The following PITPNM2 variants were observed in gnomAD, a reference collection of about 807,000 sequenced individuals.
PITPNM2 encodes the protein phosphatidylinositol transfer protein membrane associated 2, also known as membrane-associated phosphatidylinositol transfer protein 2.
In PITPNM2, 35 loss-of-function variants were observed where a neutral mutation model predicts 132.2. That is an observed-to-expected ratio of 0.26 (90% CI 0.20 to 0.35). The LOEUF is 0.35. Ranked by LOEUF, PITPNM2 falls within the 10% of genes least tolerant of loss-of-function variation. PITPNM2 has a pLI of 1.00. For synonymous variants in PITPNM2, 738 were observed against 799.2 expected (o/e 0.92, Z 1.29); for missense variants, 1,332 against 1,912.0 (o/e 0.70, Z 5.66).
intron 2 of PITPNM2, among the ~76,000 whole-genome samples, chr12:123,103,731 G>A (rs1360570418): frequency 6.6e-6 from 1 of 152,112 alleles, no homozygotes. Context: ...TGGGACTTTG[G>A]ACAAGTCACT....
intron 2 of PITPNM2, among the ~76,000 whole-genome samples, chr12:123,048,114 GAGAC>G (rs905318413): frequency 1.4e-5 from 2 of 138,234 alleles, no homozygotes; most frequent in African/African-American, 5.5e-5. Flanking sequence ...AAAAAAAAAA[GAGAC>G]AGACAGACAT....
chr12:123,012,638 A>T lies in PITPNM2; in HGVS notation c.390T>A (p.Pro130=), dbSNP rs1393492636. 1 of 1,614,102 alleles carries T rather than the reference A, an allele frequency of 6.2e-7. No individual in the cohort carries two copies. The highest frequency in any genetic ancestry group is 1.1e-5 in the South Asian group (1 of 91,080). The change falls in exon 5 of 26, where the codon CCT becomes CCA. Residue 130 remains proline (P), a synonymous_variant. Coordinates refer to ENST00000320201, the MANE Select transcript of PITPNM2 (RefSeq NM_020845.3). The stretch of plus-strand genomic sequence containing the variant: ...CGATTGTCAGCTGGTTCTTTTCCAC[A>T]GGAGAGAGGTTGAACACGTCGGGGT... ...GENPDVFNLS[P]VEKNQLTIDF...
intron 5 of PITPNM2, chr12:123,010,832 T>C (rs2039164783): frequency 6.5e-6 from 1 of 154,626 alleles, no homozygotes; most frequent in Non-Finnish European, 1.5e-5. Flanking sequence ...AAAGCCTTCC[T>C]GGACAGAGAC....
chr12:123,005,250 GGAC>G lies in PITPNM2; in HGVS notation c.939_941del (p.Ser314del), dbSNP rs2038876855. 6.2e-7 allele frequency: 1 copy of G among 1,611,818 alleles called. No individual in the cohort carries two copies. Among genetic ancestry groups the G allele is most frequent in the African/African-American group, 1.3e-5 (1 of 74,948 alleles). ...GGCGCAGGGCCTTACCTCCCCGCTT[GGAC>G]GACCGAGACGACTTGGAGGATGTGG... is the stretch of plus-strand genomic sequence containing the variant. On this transcript the variant is annotated inframe_deletion, in exon 7 of 26. Transcript: ENST00000320201. This position sits in a 1 kb window ranked among gnomAD's most constrained non-coding sequence, Gnocchi z 6.2.
chr12:123,147,575 G>C (rs1320655017), intron 1 of PITPNM2, among the ~76,000 whole-genome samples: 2 of 152,136 alleles, frequency 1.3e-5, no homozygotes, highest in African/African-American at 4.8e-5. Context: ...CACACACACA[G>C]AAAAAGAGAC....
intron 2 of PITPNM2, among the ~76,000 whole-genome samples, chr12:123,104,211 G>A (rs1353683853): frequency 6.6e-6 from 1 of 152,180 alleles, no homozygotes; most frequent in South Asian, 2.1e-4. Context: ...GATTACAGGC[G>A]TGGGCCACCA....
At chr12:123,067,453 TCACACACACACACACA>T (rs55716436) in intron 2 of PITPNM2, among the ~76,000 whole-genome samples, 3,595 of 136,734 alleles carry the variant, frequency 0.026, 65 homozygotes, top group South Asian at 0.051. Context: ...TGAAACTCCA[TCACACACACACACACA>T]CACACACACA....
At chr12:123,112,737 ACCATGTTAG>A (rs907777810) in intron 1 of PITPNM2, among the ~76,000 whole-genome samples, 2 of 151,974 alleles carry the variant, frequency 1.3e-5, no homozygotes, top group Admixed American at 1.3e-4. Flanking sequence ...ACGGGGTTTC[ACCATGTTAG>A]CCAGGATGGT....
chr12:123,102,045 C>T (rs928883514), intron 2 of PITPNM2, among the ~76,000 whole-genome samples: 3 of 152,166 alleles, frequency 2.0e-5, no homozygotes, highest in Non-Finnish European at 4.4e-5. Context: ...ATAGTGCCCA[C>T]CACTAATTTG....
chr12:122,988,596 C>T, intron 19 of PITPNM2, 128 bp downstream of exon 19: 1 of 1,037,438 alleles, frequency 9.6e-7, no homozygotes, highest in Non-Finnish European at 1.4e-6. Flanking sequence ...AAGGTGCCCT[C>T]ATCTTGCTTG....
chr12:123,078,207 C>T lies in PITPNM2; in HGVS notation c.-96+32178G>A, dbSNP rs937393011. ...GGGGAGCCGCTGGCAGAGCCCAAGG[C>T]GGGCGGAGGAGCCATATGCCAGAGG... On this transcript the variant is annotated intron_variant, in intron 2 of 25. Transcript: ENST00000320201. The surrounding 1 kb of genome is among the most constrained non-coding windows in gnomAD (Gnocchi z 7.3). Among the ~76,000 whole-genome samples the T allele has an allele frequency of 1.1e-4, 16 of 152,126 alleles. No homozygotes were observed. Among genetic ancestry groups the T allele is most frequent in the African/African-American group, 3.9e-4 (16 of 41,418 alleles).
Position 123,106,774 on chromosome 12 carries a change from G to A in PITPNM2, c.-96+3611C>T, listed in dbSNP as rs77863255. ...CTTCAGGGCAGCATCTTTGCTCCAG[G>A]GCATGAGGGCACTCAGCCCTCTACT... On this transcript the variant is annotated intron_variant, in intron 2 of 25. Coordinates refer to ENST00000320201, the MANE Select transcript of PITPNM2 (RefSeq NM_020845.3). The surrounding 1 kb of genome is among the most constrained non-coding windows in gnomAD (Gnocchi z 4.4). 0.011 allele frequency among the ~76,000 whole-genome samples: 1,674 copies of A among 152,286 alleles called. 38 individuals carry two copies. Among genetic ancestry groups the A allele is most frequent in the South Asian group, 0.062 (299 of 4,822 alleles).
At chr12:123,051,731 T>C (rs916029805) in intron 2 of PITPNM2, among the ~76,000 whole-genome samples, 5 of 152,334 alleles carry the variant, frequency 3.3e-5, no homozygotes, top group East Asian at 3.9e-4. Context: ...CTGTGGAAGA[T>C]ATTTGTAGAA....
chr12:123,034,550 A>G lies in PITPNM2; in HGVS notation c.41T>C (p.Val14Ala), dbSNP rs2040207326. Residue 14 changes from valine to alanine, a missense_variant, in exon 3 of 26, where the codon GTG becomes GCG. Coordinates refer to ENST00000320201, the MANE Select transcript of PITPNM2 (RefSeq NM_020845.3). ...CAGCTGGGCGATGCGGTACTCCTCC[A>G]CGGTCATTGGCAGAGGAATCCGATA... ...KEYRIPLPMT[V>A]EEYRIAQLYM... The G allele has an allele frequency of 6.2e-7, 1 of 1,613,960 alleles. No homozygotes were observed. The highest frequency in any genetic ancestry group is 1.3e-5 in the African/African-American group (1 of 74,896).
At chr12:123,057,485 A>G (rs1016613034) in intron 2 of PITPNM2, among the ~76,000 whole-genome samples, 2 of 152,172 alleles carry the variant, frequency 1.3e-5, no homozygotes, top group African/African-American at 4.8e-5. Flanking sequence ...GAGGGTGCAA[A>G]TGGTACCATT....
At chr12:123,126,738 C>A (rs1245153577) in intron 1 of PITPNM2, among the ~76,000 whole-genome samples, 1 of 151,970 alleles carries the variant, frequency 6.6e-6, no homozygotes, top group African/African-American at 2.4e-5. Flanking sequence ...TCATGGTAGC[C>A]CCAGTCAGCT....
chr12:123,066,393 C>T (rs2041414704), intron 2 of PITPNM2, among the ~76,000 whole-genome samples: 1 of 152,162 alleles, frequency 6.6e-6, no homozygotes, highest in African/African-American at 2.4e-5. Flanking sequence ...ATTGTGGGTA[C>T]TCCCCACAAC....
At chr12:123,101,549 C>G (rs2042563177) in intron 2 of PITPNM2, among the ~76,000 whole-genome samples, 2 of 152,168 alleles carry the variant, frequency 1.3e-5, no homozygotes, top group Admixed American at 6.5e-5. Flanking sequence ...CCTTCCCAAG[C>G]CCCTCAAAGC....
intron 8 of PITPNM2, among the ~76,000 whole-genome samples, chr12:123,002,489 T>C (rs777686470): frequency 9.9e-5 from 15 of 152,244 alleles, no homozygotes; most frequent in Non-Finnish European, 1.9e-4. Context: ...CATAGCTTAC[T>C]GCAGCCTTGA....
Sources: gnomAD v4.1 joint callset for allele counts (sites outside exome capture counted in the v4.1 genomes callset) on GRCh38, gnomAD v4.1.1 for gene constraint, Gnocchi (gnomAD v3.1) non-coding constraint, MANE v1.5 for transcripts, NCBI Gene and HGNC (gene_info 2026-07-23, HGNC 2026-07-21) for gene names.